VTI1A: variants seen among roughly 807,000 people sequenced by gnomAD.
The protein encoded by VTI1A is vesicle transport through interaction with t-SNAREs 1A, also known as vesicle transport through interaction with t-SNAREs homolog 1A.
In VTI1A, 22 loss-of-function variants were observed where a neutral mutation model predicts 34.9. That is an observed-to-expected ratio of 0.63 (90% confidence interval 0.45 to 0.90). The LOEUF (loss-of-function observed/expected upper bound fraction) is 0.90, where lower values mean the gene tolerates loss of function less well. VTI1A is among the 40% of genes least tolerant of loss of function. The pLI is 0.00. For missense variants in VTI1A, 268 were observed against 275.6 expected (o/e 0.97, Z 0.20); for synonymous variants, 87 against 97.3 (o/e 0.89, Z 0.62).
intron 5 of VTI1A, among the ~76,000 whole-genome samples, chr10:112,661,236 G>A (rs1847437744): frequency 6.6e-6 from 1 of 152,134 alleles, no homozygotes; most frequent in Non-Finnish European, 1.5e-5. Context: ...GCCCTCCTCG[G>A]CCTCCTAAAG....
chr10:112,751,560 C>A (rs1005189264), intron 7 of VTI1A, among the ~76,000 whole-genome samples: 5 of 150,508 alleles, frequency 3.3e-5, no homozygotes, highest in African/African-American at 9.8e-5. Context: ...CATGGGGATG[C>A]AGTTAGGACA....
At chr10:112,681,178 T>C (rs1218502647) in intron 7 of VTI1A, among the ~76,000 whole-genome samples, 1 of 151,660 alleles carries the variant, frequency 6.6e-6, no homozygotes, top group Non-Finnish European at 1.5e-5. Context: ...TGGGCTCAAG[T>C]GATCCTTCCA....
chr10:112,772,637 T>C (rs1851845865), intron 7 of VTI1A, among the ~76,000 whole-genome samples: 1 of 152,244 alleles, frequency 6.6e-6, no homozygotes. Flanking sequence ...AGGACTTATT[T>C]ATCTGTTATC....
chr10:112,498,999 C>T (rs1295998666), intron 3 of VTI1A, among the ~76,000 whole-genome samples: 3 of 152,064 alleles, frequency 2.0e-5, no homozygotes, highest in Non-Finnish European at 4.4e-5. Context: ...CATTCATCTG[C>T]TAGATGTCAG....
chr10:112,805,905 C>T (rs1853057796), intron 7 of VTI1A, among the ~76,000 whole-genome samples: 1 of 152,180 alleles, frequency 6.6e-6, no homozygotes, highest in Admixed American at 6.5e-5. Flanking sequence ...GTTGAAGCCG[C>T]CCAGTCTGTG....
At chr10:112,635,331 G>A (rs915098492) in intron 5 of VTI1A, among the ~76,000 whole-genome samples, 38 of 152,212 alleles carry the variant, frequency 2.5e-4, no homozygotes, top group Non-Finnish European at 4.6e-4. Context: ...TAGCAGAACC[G>A]TGAGCAGTCA....
At chr10:112,604,286 T>C (rs538042766) in intron 5 of VTI1A, among the ~76,000 whole-genome samples, 1 of 152,286 alleles carries the variant, frequency 6.6e-6, no homozygotes, top group East Asian at 1.9e-4. Flanking sequence ...AACAACTTCA[T>C]GGGTTATTAG....
intron 3 of VTI1A, among the ~76,000 whole-genome samples, chr10:112,483,535 G>A (rs1848518946): frequency 6.6e-6 from 1 of 152,136 alleles, no homozygotes. Context: ...TCTAGAACAG[G>A]ATTCCTCAAC....
intron 5 of VTI1A, among the ~76,000 whole-genome samples, chr10:112,590,756 A>G (rs1158712256): frequency 6.6e-6 from 1 of 152,188 alleles, no homozygotes; most frequent in Non-Finnish European, 1.5e-5. Context: ...CGAGAACAGA[A>G]GGTATATGCC....
intron 5 of VTI1A, among the ~76,000 whole-genome samples, chr10:112,541,663 C>T (rs1850875360): frequency 6.6e-6 from 1 of 152,192 alleles, no homozygotes; most frequent in Non-Finnish European, 1.5e-5. Flanking sequence ...TGAAATCCAT[C>T]TTCTAAAATT....
At chr10:112,642,984 T>G (rs1462943293) in intron 5 of VTI1A, among the ~76,000 whole-genome samples, 2 of 148,238 alleles carry the variant, frequency 1.3e-5, no homozygotes, top group East Asian at 3.9e-4. Flanking sequence ...TTTCTTTTTT[T>G]TTTTTTTTTT....
chr10:112,774,937 A>G (rs551365499), intron 7 of VTI1A, among the ~76,000 whole-genome samples: 7 of 152,280 alleles, frequency 4.6e-5, no homozygotes, highest in Non-Finnish European at 1.0e-4. Context: ...GGGCTGACAT[A>G]TCCCAGGCTA....
intron 2 of VTI1A, 129 bp downstream of exon 2, chr10:112,460,711 G>A (rs1241484521): frequency 1.3e-5 from 9 of 686,170 alleles, no homozygotes; most frequent in Non-Finnish European, 1.9e-5. Context: ...TTCAGAATTT[G>A]TCAATTTTTA....
intron 5 of VTI1A, among the ~76,000 whole-genome samples, chr10:112,624,682 CTGT>C (rs1386616520): frequency 2.3e-4 from 35 of 152,146 alleles, no homozygotes; most frequent in African/African-American, 7.7e-4. Flanking sequence ...CAGTTTGCTG[CTGT>C]TGTTGTTATT....
In VTI1A at chr10:112,797,396, A is replaced by G. The variant is rs1178012534; in HGVS notation, c.561-17894A>G. Among the ~76,000 whole-genome samples, 4 of 152,320 alleles carry G rather than the reference A, an allele frequency of 2.6e-5. No individual in the cohort carries two copies. The East Asian group carries it at 7.7e-4, about 29-fold the overall frequency. ...GCTGGGAACGCCTGCAGCTTTCACA[A>G]AAGAGGTCCATGTCGTTAAGACAAT... On this transcript the variant is annotated intron_variant, in intron 7 of 7. Coordinates refer to ENST00000393077, the MANE Select transcript of VTI1A (RefSeq NM_145206.4).
At chr10:112,754,297 C>T (rs959933692) in intron 7 of VTI1A, among the ~76,000 whole-genome samples, 1 of 151,974 alleles carries the variant, frequency 6.6e-6, no homozygotes, top group Admixed American at 6.6e-5. Flanking sequence ...CAGGCCGCCC[C>T]GCTCATTAAA....
intron 7 of VTI1A, among the ~76,000 whole-genome samples, chr10:112,709,564 C>T (rs1210965797): frequency 6.6e-6 from 1 of 151,962 alleles, no homozygotes; most frequent in South Asian, 2.1e-4. Flanking sequence ...TGGACATTTA[C>T]CTTCTCTTCC....
At chr10:112,561,419 G>C (rs1004270838) in intron 5 of VTI1A, among the ~76,000 whole-genome samples, 5 of 152,110 alleles carry the variant, frequency 3.3e-5, no homozygotes, top group Admixed American at 3.3e-4. Context: ...CTGAAATTTT[G>C]TAACAAGAAG....
At chr10:112,652,801 C>T (rs1847088215) in intron 5 of VTI1A, among the ~76,000 whole-genome samples, 1 of 151,694 alleles carries the variant, frequency 6.6e-6, no homozygotes, top group Non-Finnish European at 1.5e-5. Context: ...TATAGGCCCA[C>T]TGGGCCTAGG....
Sources: allele counts gnomAD v4.1 joint callset (sites outside exome capture counted in the v4.1 genomes callset), GRCh38; gene constraint gnomAD v4.1.1; transcripts MANE v1.5; gene names NCBI Gene and HGNC (gene_info 2026-07-23, HGNC 2026-07-21).